The following TEX2 variants were observed in gnomAD, a reference collection of about 807,000 sequenced individuals.
TEX2 encodes the protein testis-expressed protein 2.
In TEX2, 53 loss-of-function variants were observed where a neutral mutation model predicts 106.9. The observed-to-expected ratio is 0.50, with a 90% CI of 0.40 to 0.62. The LOEUF is 0.62. TEX2 is among the 20% of genes least tolerant of loss of function. The pLI is 0.00. For synonymous variants in TEX2, 523 were observed against 534.8 expected, an observed-to-expected ratio of 0.98 and a Z score of 0.30; for missense variants, 1,207 against 1,379.0, an observed-to-expected ratio of 0.88 and a Z score of 1.98.
In TEX2 at chr17:64,160,786, T is replaced by A; in HGVS notation, c.2804+15A>T. ...CCCCAGGATTGGATTAGTAAATTCA[T>A]ATATAGCCCCTTACCCTTCTTTGCC... On this transcript the variant is annotated intron_variant, in intron 8 of 11. Coordinates refer to ENST00000584379, the MANE Select transcript of TEX2 (RefSeq NM_001288732.2). 2 of 1,612,676 alleles carry A rather than the reference T, an allele frequency of 1.2e-6. No individual in the cohort carries two copies. The highest frequency in any genetic ancestry group is 1.7e-6 in the Non-Finnish European group (2 of 1,179,500).
intron 1 of TEX2, among the ~76,000 whole-genome samples, chr17:64,233,445 C>T (rs952770187): frequency 6.6e-5 from 10 of 152,096 alleles, no homozygotes; most frequent in Admixed American, 1.3e-4. Flanking sequence ...CGGTGGCAGG[C>T]GCCTGTAATC....
Position 64,212,960 on chromosome 17 carries a change from C to G in TEX2, c.1258G>C (p.Glu420Gln). Residue 420 changes from glutamate to glutamine, a missense_variant, in exon 2 of 12, where the codon GAA becomes CAA. Glu to Gln is a conservative substitution (Grantham distance 29). This residue lies in a region of TEX2 where 1,067 missense variants were observed against 1,193.6 expected (regional missense o/e 0.89). Transcript: ENST00000584379. ...LVSKEDEEFC[E>Q]LYTEDFDLET... ...AAATCGAAGTCCTCAGTGTACAGTTCACAAAACTCTTCATCTTCTTTGCTC... is the reference window on the plus strand; with the variant it reads ...AAATCGAAGTCCTCAGTGTACAGTTGACAAAACTCTTCATCTTCTTTGCTC... 6.2e-7 allele frequency: 1 copy of G among 1,614,208 alleles called. No individual in the cohort carries two copies. Among genetic ancestry groups the G allele is most frequent in the African/African-American group, 1.3e-5 (1 of 75,038 alleles).
rs1182282644 is a variant in TEX2 at position 64,213,724 on chromosome 17, G to A, written c.494C>T (p.Ser165Phe). 6.2e-7 allele frequency: 1 copy of A among 1,614,068 alleles called. No homozygotes were observed. The highest frequency in any genetic ancestry group is 1.3e-5 in the African/African-American group (1 of 74,922). ...EQKTSSSSPL[S>F]SPSKSPILSS... ...GAGGATGGGAGACTTAGAAGGAGAG[G>A]ACAATGGGGAGGAAGAACTGGTTTT... Residue 165 changes from serine (S) to phenylalanine (F), a missense_variant, in exon 2 of 12, where the codon TCC becomes TTC. Physicochemically the swap from Ser to Phe is radical, Grantham distance 155. Transcript: ENST00000584379. The surrounding 1 kb of genome is among the most constrained non-coding windows in gnomAD (Gnocchi z 4.4).
At position 64,161,115 on chromosome 17, in the gene TEX2, T is replaced by C. The variant is rs550968199; in HGVS notation, c.2672-182A>G. On this transcript the variant is annotated intron_variant, in intron 7 of 11. Transcript: ENST00000584379. ...CATCGACACACACGAGAACAGGTCA[T>C]GGAATACATCGAGCCCCTGGTAAAC... Among the ~76,000 whole-genome samples, 4 of 152,204 alleles carry C rather than the reference T, an allele frequency of 2.6e-5. No homozygotes were observed. The East Asian group carries it at 7.7e-4, about 29-fold the overall frequency.
intron 1 of TEX2, among the ~76,000 whole-genome samples, chr17:64,226,933 G>C (rs2033521068): frequency 6.6e-6 from 1 of 152,032 alleles, no homozygotes; most frequent in South Asian, 2.1e-4. Flanking sequence ...ATAGACATCA[G>C]AAAATGACAT....
At chr17:64,233,771 A>T (rs149201253) in intron 1 of TEX2, among the ~76,000 whole-genome samples, 107 of 152,336 alleles carry the variant, frequency 7.0e-4, no homozygotes, top group African/African-American at 2.4e-3. Context: ...ACATCAAAGA[A>T]GGGCAAGTCT....
At chr17:64,224,423 T>A (rs557789607) in intron 1 of TEX2, among the ~76,000 whole-genome samples, 21 of 152,358 alleles carry the variant, frequency 1.4e-4, no homozygotes, top group African/African-American at 4.8e-4. Flanking sequence ...ATGAAGCAGC[T>A]GAGAACTGCC....
intron 6 of TEX2, among the ~76,000 whole-genome samples, chr17:64,173,615 G>C (rs1274979358): frequency 6.6e-6 from 1 of 152,150 alleles, no homozygotes; most frequent in Non-Finnish European, 1.5e-5. Flanking sequence ...TTTTGAATTG[G>C]TGTTTGCTAT....
At chr17:64,207,517 C>T (rs896862937) in intron 2 of TEX2, among the ~76,000 whole-genome samples, 6 of 152,176 alleles carry the variant, frequency 3.9e-5, no homozygotes, top group African/African-American at 1.4e-4. Flanking sequence ...CAGATGTACA[C>T]AAAATAATTC....
At chr17:64,167,255 A>G (rs559343463) in intron 7 of TEX2, among the ~76,000 whole-genome samples, 1 of 152,380 alleles carries the variant, frequency 6.6e-6, no homozygotes, top group East Asian at 1.9e-4. Flanking sequence ...CAGCAAGGCC[A>G]TGAAAGCTGA....
At chr17:64,159,197 C>T (rs2030772104) in intron 8 of TEX2, among the ~76,000 whole-genome samples, 1 of 152,174 alleles carries the variant, frequency 6.6e-6, no homozygotes, top group Non-Finnish European at 1.5e-5. Flanking sequence ...GCCCAAGACC[C>T]CCTTTGCAAT....
intron 1 of TEX2, among the ~76,000 whole-genome samples, chr17:64,260,142 T>C (rs1373733919): frequency 6.6e-6 from 1 of 152,202 alleles, no homozygotes; most frequent in African/African-American, 2.4e-5. Context: ...AAAACTGCAC[T>C]TGGCAGAGAG....
At chr17:64,158,667 C>T (rs2030744580) in intron 8 of TEX2, among the ~76,000 whole-genome samples, 1 of 152,138 alleles carries the variant, frequency 6.6e-6, no homozygotes, top group Non-Finnish European at 1.5e-5. Flanking sequence ...TTCTTAACCA[C>T]GGATGGGCTT....
At chr17:64,192,770 T>G (rs1167022147) in intron 4 of TEX2, among the ~76,000 whole-genome samples, 10 of 152,156 alleles carry the variant, frequency 6.6e-5, no homozygotes, top group Non-Finnish European at 1.5e-4. Flanking sequence ...CAAAGCACTC[T>G]GAAGCAATGT....
Position 64,150,893 on chromosome 17 carries a change from G to A in TEX2, c.3209C>T (p.Thr1070Ile). The change falls in exon 11 of 12, where the codon ACT (threonine) becomes ATT (isoleucine). Residue 1070 changes from threonine (T) to isoleucine (I), a missense_variant. Thr to Ile is a moderately conservative substitution (Grantham distance 89). Around this residue, in one of 3 missense-constraint regions of TEX2, gnomAD observed 77 missense variants for 73.2 expected, o/e 1.05. Coordinates refer to ENST00000584379, the MANE Select transcript of TEX2 (RefSeq NM_001288732.2). ...TATCCAGTCTGTCACATGAACTAAA[G>A]TCACTTCTCTCTCTCCAAGTTTTGG... is the stretch of plus-strand genomic sequence containing the variant. ...ARPKLGEREV[T>I]LVHVTDWIEK... 6.2e-7 allele frequency: 1 copy of A among 1,613,900 alleles called. No homozygotes were observed. The highest frequency in any genetic ancestry group is 8.5e-7 in the Non-Finnish European group (1 of 1,179,934).
intron 1 of TEX2, among the ~76,000 whole-genome samples, chr17:64,249,141 A>C (rs1555636646): frequency 6.6e-6 from 1 of 152,196 alleles, no homozygotes; most frequent in Non-Finnish European, 1.5e-5. Context: ...CTCTCATTCC[A>C]ACTTTAAATA....
At chr17:64,251,553 C>G (rs570889650) in intron 1 of TEX2, among the ~76,000 whole-genome samples, 1 of 152,158 alleles carries the variant, frequency 6.6e-6, no homozygotes, top group African/African-American at 2.4e-5. Flanking sequence ...TCAAGTCCTT[C>G]GATTTCCTAT....
At chr17:64,222,161 C>T (rs1272912747) in intron 1 of TEX2, among the ~76,000 whole-genome samples, 3 of 152,094 alleles carry the variant, frequency 2.0e-5, no homozygotes, top group South Asian at 2.1e-4. Flanking sequence ...TTTTGCTATA[C>T]GTATTTTATC....
At chr17:64,220,220 A>T (rs1373062518) in intron 1 of TEX2, among the ~76,000 whole-genome samples, 1 of 152,220 alleles carries the variant, frequency 6.6e-6, no homozygotes, top group Non-Finnish European at 1.5e-5. Context: ...TGGATTAAAG[A>T]CTTAAACGGA....
Sources: allele counts gnomAD v4.1 joint callset (sites outside exome capture counted in the v4.1 genomes callset), GRCh38; gene constraint gnomAD v4.1.1; regional missense constraint gnomAD v4.1.1; non-coding constraint Gnocchi (gnomAD v3.1); transcripts MANE v1.5; gene names NCBI Gene and HGNC (gene_info 2026-07-23, HGNC 2026-07-21).